EMID1: variants seen among roughly 807,000 people sequenced by gnomAD.
EMID1 encodes EMI domain containing 1.
A neutral mutation model predicts 60.6 loss-of-function variants in EMID1; 40 were observed. That is an observed-to-expected ratio of 0.66 (90% CI 0.51 to 0.86). The LOEUF (loss-of-function observed/expected upper bound fraction) is 0.86. Ranked by LOEUF, EMID1 falls within the 40% of genes least tolerant of loss-of-function variation. The pLI, the probability that EMID1 is intolerant of heterozygous loss-of-function variation, is 0.00. For synonymous variants in EMID1, 242 were observed against 231.0 expected (o/e 1.05, Z -0.43); for missense variants, 585 against 597.1 (o/e 0.98, Z 0.21).
chr22:29,208,430 C>G (rs2039759902), intron 1 of EMID1, among the ~76,000 whole-genome samples: 1 of 152,202 alleles, frequency 6.6e-6, no homozygotes, highest in Admixed American at 6.5e-5. Context: ...CTGCTTCCTG[C>G]CCCGCTGAGG....
rs114899152 is a variant in EMID1 at position 29,236,407 on chromosome 22, T to C, written c.1074+2058T>C. 0.011 allele frequency among the ~76,000 whole-genome samples: 1,612 copies of C among 151,720 alleles called. 50 individuals are homozygous for C. The East Asian group carries it at 0.12, about 11-fold the overall frequency. ...ACCTTGCCTCTAAAACATAACTAAA[T>C]AGTCTGTGCACGGTGGCTCACACCT... On this transcript the variant is annotated intron_variant, in intron 12 of 14. Transcript: ENST00000334018.
intron 14 of EMID1, chr22:29,255,452 C>A: frequency 1.0e-6 from 1 of 967,744 alleles, no homozygotes; most frequent in Non-Finnish European, 1.4e-6. Flanking sequence ...CGATGCTTGG[C>A]CCAGGCCAGC....
chr22:29,232,108 CCT>C, intron 7 of EMID1, 146 bp from the exon 8 acceptor site: 1 of 818,542 alleles, frequency 1.2e-6, no homozygotes, highest in Non-Finnish European at 2.0e-6. Flanking sequence ...TGCTCATCCC[CCT>C]GTTAGACTAC....
At chr22:29,234,509 T>C (rs147271584) in intron 12 of EMID1, among the ~76,000 whole-genome samples, 160 bp downstream of exon 12, 218 of 152,326 alleles carry the variant, frequency 1.4e-3, no homozygotes, top group African/African-American at 5.1e-3. Flanking sequence ...CCTCTTTGGA[T>C]TAGGCTGCCT....
intron 2 of EMID1, 94 bp downstream of exon 2, chr22:29,215,133 A>G: frequency 2.8e-6 from 4 of 1,438,964 alleles, no homozygotes; most frequent in South Asian, 3.0e-5. Flanking sequence ...AGTGTGGGGG[A>G]AGACTGGACC....
intron 7 of EMID1, 179 bp from the exon 8 acceptor site, chr22:29,232,077 G>A (rs1285056292): frequency 9.2e-6 from 6 of 649,990 alleles, no homozygotes; most frequent in African/African-American, 1.8e-5. Flanking sequence ...CAGCCTGGAC[G>A]AGGTGGAGAA....
intron 5 of EMID1, 90 bp downstream of exon 5, chr22:29,226,641 C>A: frequency 7.3e-7 from 1 of 1,363,514 alleles, no homozygotes; most frequent in Non-Finnish European, 9.9e-7. Flanking sequence ...TCCTTCCCCG[C>A]ACCCCATGCT....
At chr22:29,231,798 T>G in intron 7 of EMID1, 116 bp downstream of exon 7, 1 of 1,035,804 alleles carries the variant, frequency 9.7e-7, no homozygotes, top group Non-Finnish European at 1.3e-6. Context: ...ACTTGCCTCT[T>G]CACTCAGCAC....
At chr22:29,255,288 C>T in intron 14 of EMID1, 1 of 1,509,608 alleles carries the variant, frequency 6.6e-7, no homozygotes, top group Non-Finnish European at 8.9e-7. Context: ...GCTTACAGAG[C>T]TTCCTGCAGC....
intron 13 of EMID1, among the ~76,000 whole-genome samples, chr22:29,250,686 C>A (rs543855932): frequency 6.8e-6 from 1 of 147,060 alleles, no homozygotes; most frequent in Non-Finnish European, 1.5e-5. Flanking sequence ...CCCACCTCAG[C>A]CTCCAGAGTG....
At chr22:29,249,803 C>T (rs542307265) in intron 13 of EMID1, among the ~76,000 whole-genome samples, 36 of 151,060 alleles carry the variant, frequency 2.4e-4, no homozygotes, top group African/African-American at 6.1e-4. Flanking sequence ...TGAGTAGAGA[C>T]GATGTTTCAC....
At position 29,231,572 on chromosome 22, in the gene EMID1, C is replaced by T. The variant is rs1301731691; in HGVS notation, c.587-21C>T. The T allele has an allele frequency of 6.5e-6, 10 of 1,549,106 alleles. No homozygotes were observed. The South Asian group carries it at 1.2e-4, about 18-fold the overall frequency. ...CAAGAGCAGATGTGGAGCTGCCAGT[C>T]TGATATGCTTTACCCCCCAGACCAA... On this transcript the variant is annotated intron_variant, in intron 6 of 14. Coordinates refer to ENST00000334018, the MANE Select transcript of EMID1 (RefSeq NM_133455.4).
intron 5 of EMID1, 21 bp from the exon 6 acceptor site, chr22:29,230,999 C>A: frequency 6.2e-7 from 1 of 1,607,488 alleles, no homozygotes; most frequent in Non-Finnish European, 8.5e-7. Context: ...GTACCCACCC[C>A]GTCCCTGTCT....
intron 5 of EMID1, 102 bp downstream of exon 5, chr22:29,226,653 G>T (rs549557383): frequency 6.2e-5 from 75 of 1,217,278 alleles, no homozygotes; most frequent in Non-Finnish European, 7.3e-5. Context: ...CCCCATGCTC[G>T]CACCCTCAGT....
chr22:29,241,756 A>G (rs1230174090), intron 12 of EMID1, among the ~76,000 whole-genome samples: 1 of 149,868 alleles, frequency 6.7e-6, no homozygotes, highest in Non-Finnish European at 1.5e-5. Flanking sequence ...TTTTTAAATC[A>G]AATTTGAAAA....
rs3181001 is a variant in EMID1, at chr22:29,259,073, T to C, written c.*129T>C. On this transcript the variant is annotated 3_prime_UTR_variant, in exon 15 of 15. Transcript: ENST00000334018. ...AGGGTCCCTTCTGCCATCTAGGCCT[T>C]AGGGGTAAGCAGGTCTCAGTCCTGG... 7.4e-7 allele frequency: 1 copy of C among 1,360,322 alleles called. No homozygotes were observed. The highest frequency in any genetic ancestry group is 1.3e-5 in the South Asian group (1 of 74,308). The allele number at this position is 1,360,322 out of a possible 1,614,324, so 84.3% of individuals were successfully genotyped here. A position where few individuals can be genotyped will look rare whatever the true frequency, so the allele number is the denominator to read the frequency against.
At chr22:29,234,847 T>C (rs968793689) in intron 12 of EMID1, among the ~76,000 whole-genome samples, 2 of 152,190 alleles carry the variant, frequency 1.3e-5, no homozygotes, top group African/African-American at 4.8e-5. Context: ...TTGCATGTTA[T>C]ATCTTTTTTT....
intron 10 of EMID1, chr22:29,233,933 A>G (rs1040140370): frequency 1.5e-6 from 1 of 673,484 alleles, no homozygotes; most frequent in Non-Finnish European, 2.5e-6. Flanking sequence ...GCACATGGCA[A>G]TGAGCTGTGG....
intron 14 of EMID1, among the ~76,000 whole-genome samples, chr22:29,256,958 CAG>C (rs1285124144): frequency 6.6e-6 from 1 of 152,182 alleles, no homozygotes; most frequent in Non-Finnish European, 1.5e-5. Flanking sequence ...TCCCCTCTTA[CAG>C]AGAGGGGCCA....
Sources: gnomAD v4.1 joint callset for allele counts (sites outside exome capture counted in the v4.1 genomes callset) on GRCh38, gnomAD v4.1.1 for gene constraint, MANE v1.5 for transcripts, NCBI Gene and HGNC (gene_info 2026-07-23, HGNC 2026-07-21) for gene names.